MTUS2: variants seen among roughly 807,000 people sequenced by gnomAD.
The protein encoded by MTUS2 is microtubule associated scaffold protein 2.
In MTUS2, 40 loss-of-function variants were observed where a neutral mutation model predicts 114.1. The observed-to-expected ratio is 0.35, with a 90% confidence interval of 0.27 to 0.46. MTUS2 has a LOEUF of 0.46. Ranked by LOEUF, MTUS2 falls within the 20% of genes least tolerant of loss-of-function variation. The pLI is 1.00. For missense variants in MTUS2, 1,679 were observed against 1,705.4 expected (o/e 0.98, Z 0.27); for synonymous variants, 688 against 672.0 (o/e 1.02, Z -0.37).
At chr13:29,371,498 G>A (rs1044815709) in intron 8 of MTUS2, among the ~76,000 whole-genome samples, 1 of 152,150 alleles carries the variant, frequency 6.6e-6, no homozygotes, top group Non-Finnish European at 1.5e-5. Context: ...GATTACAGGC[G>A]TGAGCCACTG....
intron 9 of MTUS2, among the ~76,000 whole-genome samples, chr13:29,469,464 A>G (rs996057224): frequency 6.6e-6 from 1 of 152,036 alleles, no homozygotes; most frequent in African/African-American, 2.4e-5. Context: ...TGTCTCTACT[A>G]AAAATACAAA....
At chr13:29,454,660 A>T (rs1248465163) in intron 9 of MTUS2, among the ~76,000 whole-genome samples, 1 of 152,204 alleles carries the variant, frequency 6.6e-6, no homozygotes, top group East Asian at 1.9e-4. Flanking sequence ...CCTACACTTG[A>T]TCAATTTTAG....
intron 8 of MTUS2, among the ~76,000 whole-genome samples, chr13:29,409,085 C>T (rs1387233012): frequency 5.9e-5 from 9 of 152,144 alleles, no homozygotes; most frequent in African/African-American, 1.4e-4. Flanking sequence ...TTTGAGAGGC[C>T]GAGGCGGGTG....
At chr13:29,095,879 C>T (rs1220602645) in intron 4 of MTUS2, among the ~76,000 whole-genome samples, 1 of 151,910 alleles carries the variant, frequency 6.6e-6, no homozygotes, top group East Asian at 1.9e-4. Context: ...CGTCATAGCT[C>T]CTTTACTTCT....
chr13:29,039,401 C>G (rs1887242085), intron 4 of MTUS2, among the ~76,000 whole-genome samples: 1 of 152,232 alleles, frequency 6.6e-6, no homozygotes, highest in Non-Finnish European at 1.5e-5. Flanking sequence ...GCGCCGGGCA[C>G]CCTCTGGCCA....
At chr13:29,358,689 G>C (rs1423601307) in intron 7 of MTUS2, among the ~76,000 whole-genome samples, 2 of 152,148 alleles carry the variant, frequency 1.3e-5, no homozygotes, top group African/African-American at 4.8e-5. Context: ...ACATTGGAGG[G>C]ATGTGTTGCA....
At chr13:29,064,854 C>T (rs542868587) in intron 4 of MTUS2, among the ~76,000 whole-genome samples, 173 of 152,272 alleles carry the variant, frequency 1.1e-3, no homozygotes, top group African/African-American at 4.0e-3. Context: ...ACTTAGCTGT[C>T]ACTTGTAAGT....
Position 29,026,785 on chromosome 13 carries a change from A to C in MTUS2, c.2087A>C (p.Tyr696Ser), listed in dbSNP as rs766379363. Residue 696 changes from tyrosine to serine, a missense_variant, in exon 3 of 16, where the codon TAT becomes TCT. This residue lies in a region of MTUS2 where 822 missense variants were observed against 899.7 expected (regional missense o/e 0.91). Coordinates refer to ENST00000612955, the MANE Select transcript of MTUS2 (RefSeq NM_001033602.4). ...GACCTGAAGCCATCTGCCAACCTCT[A>C]TGAGAAATTCAAGCCAGACCTGCAG... ...GGDLKPSANL[Y>S]EKFKPDLQKP... 1 of 1,613,730 alleles carries C rather than the reference A, an allele frequency of 6.2e-7. No homozygotes were observed.
intron 6 of MTUS2, among the ~76,000 whole-genome samples, chr13:29,313,971 T>C (rs1899881982): frequency 6.6e-6 from 1 of 152,026 alleles, no homozygotes; most frequent in African/African-American, 2.4e-5. Flanking sequence ...AAGCAACCAG[T>C]TGGATGAAGA....
intron 6 of MTUS2, among the ~76,000 whole-genome samples, chr13:29,292,679 ACT>A (rs1266894460): frequency 6.6e-6 from 1 of 152,206 alleles, no homozygotes; most frequent in Non-Finnish European, 1.5e-5. Flanking sequence ...TTATTTAATC[ACT>A]TTCTATTATT....
chr13:29,236,072 A>T (rs1896524406), intron 5 of MTUS2, among the ~76,000 whole-genome samples: 1 of 152,156 alleles, frequency 6.6e-6, no homozygotes, highest in African/African-American at 2.4e-5. Flanking sequence ...AAATGTTTGT[A>T]TGGTATATTG....
In MTUS2 at chr13:29,503,939, G is replaced by A. The variant is rs1337927357; in HGVS notation, c.*733G>A. The stretch of plus-strand genomic sequence containing the variant: ...ACTCCTGTCATGAGCGGATAAGGGA[G>A]AGCAGTGGGAAACCCTAAGGGGGTT... On this transcript the variant is annotated 3_prime_UTR_variant, in exon 16 of 16. Transcript: ENST00000612955. 4.3e-6 allele frequency: 1 copy of A among 231,708 alleles called. No homozygotes were observed. Among genetic ancestry groups the A allele is most frequent in the Non-Finnish European group, 8.6e-6 (1 of 116,956 alleles). 14.4% of individuals were successfully genotyped at this position (231,708 alleles called of 1,614,324 possible).
At chr13:29,032,550 A>T (rs533536740) in intron 3 of MTUS2, among the ~76,000 whole-genome samples, 1 of 152,358 alleles carries the variant, frequency 6.6e-6, no homozygotes, top group East Asian at 1.9e-4. Context: ...CAGAGTGCAG[A>T]TGTAGAATGT....
intron 2 of MTUS2, among the ~76,000 whole-genome samples, chr13:28,967,938 CCT>C (rs1014547805): frequency 2.6e-5 from 4 of 152,016 alleles, no homozygotes; most frequent in African/African-American, 7.3e-5. Context: ...AGAACTACAC[CCT>C]GTTATTATTT....
chr13:29,140,286 C>T (rs1187391578), intron 5 of MTUS2, among the ~76,000 whole-genome samples: 2 of 152,104 alleles, frequency 1.3e-5, no homozygotes, highest in Non-Finnish European at 2.9e-5. Flanking sequence ...GAGGTGGATA[C>T]CCACAGGATG....
At chr13:28,936,827 G>A (rs1310337839) in intron 2 of MTUS2, among the ~76,000 whole-genome samples, 2 of 152,202 alleles carry the variant, frequency 1.3e-5, no homozygotes, top group Admixed American at 6.5e-5. Context: ...TGAAGACCTT[G>A]TGGTGGAGGA....
At chr13:29,407,458 AT>A (rs1874852701) in intron 8 of MTUS2, among the ~76,000 whole-genome samples, 1 of 132,276 alleles carries the variant, frequency 7.6e-6, no homozygotes, top group Non-Finnish European at 1.7e-5. Context: ...TTATTTATTT[AT>A]TTATTTATTT....
rs191112921 is a variant in MTUS2, at chr13:29,041,805, A to G, written c.2446+7680A>G. On this transcript the variant is annotated intron_variant, in intron 4 of 15. Coordinates refer to ENST00000612955, the MANE Select transcript of MTUS2 (RefSeq NM_001033602.4). ...GTATAGCAGTGCTACTGATCTGTGT[A>G]TATTGATTTTGTATCCTGAAACATT... 5.3e-5 allele frequency among the ~76,000 whole-genome samples: 8 copies of G among 152,264 alleles called. No individual in the cohort carries two copies. The East Asian group carries it at 1.3e-3, about 26-fold the overall frequency.
chr13:29,495,646 G>T (rs1882503186), intron 12 of MTUS2, among the ~76,000 whole-genome samples: 1 of 152,118 alleles, frequency 6.6e-6, no homozygotes, highest in East Asian at 1.9e-4. Context: ...CGAGGTGGGT[G>T]GATCACTTGA....
Sources: gnomAD v4.1 joint callset for allele counts (sites outside exome capture counted in the v4.1 genomes callset) on GRCh38, gnomAD v4.1.1 for gene constraint, gnomAD v4.1.1 regional missense constraint, MANE v1.5 for transcripts, NCBI Gene and HGNC (gene_info 2026-07-23, HGNC 2026-07-21) for gene names.